ESPNL: variants seen among roughly 807,000 people sequenced by gnomAD.
The protein encoded by ESPNL is espin like, also known as espin-like protein.
A neutral mutation model predicts 46.8 loss-of-function variants in ESPNL; 49 were observed. The observed-to-expected ratio is 1.05, with a 90% CI of 0.83 to 1.33. The LOEUF is 1.33. ESPNL is among the 40% of genes most tolerant of loss of function. The pLI is 0.00. For synonymous variants in ESPNL, 664 were observed against 662.1 expected (o/e 1.00, Z -0.04); for missense variants, 1,540 against 1,436.6 (o/e 1.07, Z -1.16).
chr2:238,108,260 C>G (rs937445881), intron 4 of ESPNL, among the ~76,000 whole-genome samples: 2 of 152,224 alleles, frequency 1.3e-5, no homozygotes, highest in African/African-American at 4.8e-5. Flanking sequence ...CTTCTCAGAA[C>G]AGCCCTTGGG....
In ESPNL at chr2:238,130,223, A is replaced by G; in HGVS notation, c.1509A>G (p.Thr503=). 1 of 1,612,010 alleles carries G rather than the reference A, an allele frequency of 6.2e-7. No individual in the cohort carries two copies. The highest frequency in any genetic ancestry group is 1.1e-5 in the South Asian group (1 of 90,778). The change falls in exon 9 of 9, where the codon ACA becomes ACG. Residue 503 remains threonine, a synonymous_variant. Transcript: ENST00000343063. The part of the protein sequence containing the change: ...AILGPFGELL[T]EDDLVYLEKQ... ...TGGGGCCCTTTGGGGAGCTGCTGACAGAGGATGACCTGGTCTACCTGGAGA... is the reference window on the plus strand; with the variant it reads ...TGGGGCCCTTTGGGGAGCTGCTGACGGAGGATGACCTGGTCTACCTGGAGA...
rs1164596515 is a variant in ESPNL, at chr2:238,116,914, C to T, written c.867C>T (p.Thr289=). 4 of 1,612,576 alleles carry T rather than the reference C, an allele frequency of 2.5e-6. No homozygotes were observed. The South Asian group carries it at 4.4e-5, about 18-fold the overall frequency. The part of the protein sequence containing the change: ...AENGQMECCQ[T]LVSHHVDPSL... ...CCTCCTCACTGCAGTGCTGCCAGAC[C>T]CTAGTCTCCCACCACGTGGACCCCT... The change falls in exon 5 of 9, where the codon ACC becomes ACT. Residue 289 remains threonine, a synonymous_variant. Coordinates refer to ENST00000343063, the MANE Select transcript of ESPNL (RefSeq NM_194312.4).
chr2:238,130,783 C>A lies in ESPNL; in HGVS notation c.2069C>A (p.Ala690Asp). ...HRQCLSGCWP[A>D]LPKPRSGLAS... ...CAGTGCCTGAGTGGCTGCTGGCCAG[C>A]CCTGCCTAAGCCCCGCAGTGGCCTG... Residue 690 changes from alanine (A) to aspartate (D), a missense_variant, in exon 9 of 9, where the codon GCC becomes GAC. By Grantham distance (126) the Ala-to-Asp change is moderately radical (BLOSUM62 -2). Coordinates refer to ENST00000343063, the MANE Select transcript of ESPNL (RefSeq NM_194312.4). 1.3e-6 allele frequency: 2 copies of A among 1,546,164 alleles called. No homozygotes were observed. Among genetic ancestry groups the A allele is most frequent in the Non-Finnish European group, 1.7e-6 (2 of 1,150,502 alleles).
Position 238,119,463 on chromosome 2 carries a change from A to AT in ESPNL, c.987+2429_987+2430insT, listed in dbSNP as rs1691931763. On this transcript the variant is annotated intron_variant, in intron 5 of 8. Transcript: ENST00000343063. ...AGGTGGAGGAGAGGAGGTTAGATGAAGGAGGAATGGATGGAGGAGGTGGAT... is the reference window on the plus strand; with the variant it reads ...AGGTGGAGGAGAGGAGGTTAGATGAATGGAGGAATGGATGGAGGAGGTGGAT... Among the ~76,000 whole-genome samples the AT allele has an allele frequency of 5.8e-5, 5 of 86,768 alleles. 1 individual carries two copies. Among genetic ancestry groups the AT allele is most frequent in the African/African-American group, 2.6e-4 (5 of 19,222 alleles). The allele number at this position is 86,768 out of a possible 152,430, so 56.9% of individuals were successfully genotyped here. A position where few individuals can be genotyped will look rare whatever the true frequency, so the allele number is the denominator to read the frequency against.
At chr2:238,118,729 G>A (rs1691891329) in intron 5 of ESPNL, among the ~76,000 whole-genome samples, 1 of 132,518 alleles carries the variant, frequency 7.5e-6, no homozygotes, top group African/African-American at 3.0e-5. Context: ...AGGAATGGAT[G>A]GAGGAGGGTG....
At chr2:238,119,048 A>C (rs1200396250) in intron 5 of ESPNL, among the ~76,000 whole-genome samples, 13 of 114,232 alleles carry the variant, frequency 1.1e-4, no homozygotes, top group African/African-American at 4.7e-4. Context: ...ATGGAGGAGG[A>C]ATGAATGGAA....
chr2:238,118,577 GAGGTGGATGGAGA>G (rs1691882371), intron 5 of ESPNL, among the ~76,000 whole-genome samples: 1 of 131,340 alleles, frequency 7.6e-6, no homozygotes, highest in Non-Finnish European at 1.6e-5. Context: ...GTGAATGGAG[GAGGTGGATGGAGA>G]AGGGTGGATG....
chr2:238,105,112 C>T (rs1691567568), intron 3 of ESPNL, among the ~76,000 whole-genome samples: 1 of 152,130 alleles, frequency 6.6e-6, no homozygotes, highest in Non-Finnish European at 1.5e-5. Flanking sequence ...CCTGGAAGTC[C>T]TGGTAGGCCT....
In ESPNL at chr2:238,119,494, A is replaced by AG. The variant is rs1333525144; in HGVS notation, c.987+2462dup. Among the ~76,000 whole-genome samples, 6 of 103,026 alleles carry AG rather than the reference A, an allele frequency of 5.8e-5. 1 individual carries two copies. The highest frequency in any genetic ancestry group is 1.6e-4 in the African/African-American group (4 of 25,250). 67.6% of individuals were successfully genotyped at this position (103,026 alleles called of 152,430 possible). A position where few individuals can be genotyped will look rare whatever the true frequency, so the allele number is the denominator to read the frequency against. ...AATGGATGGAGGAGGTGGATGGAGG[A>AG]GGTGGATGGAGGAGGTGGGTGGAGG... is the stretch of plus-strand genomic sequence containing the variant. On this transcript the variant is annotated intron_variant, in intron 5 of 8. Transcript: ENST00000343063.
intron 4 of ESPNL, among the ~76,000 whole-genome samples, chr2:238,109,238 G>T (rs1449252952): frequency 6.6e-6 from 1 of 152,204 alleles, no homozygotes; most frequent in Non-Finnish European, 1.5e-5. Flanking sequence ...CTTTTTTAAA[G>T]CAGCAAAATC....
At chr2:238,124,060 C>T (rs1692044824) in intron 5 of ESPNL, among the ~76,000 whole-genome samples, 1 of 152,324 alleles carries the variant, frequency 6.6e-6, no homozygotes, top group African/African-American at 2.4e-5. Flanking sequence ...GCCCTGCATT[C>T]GGAAAGGAGA....
At chr2:238,115,036 C>G (rs1691786028) in intron 4 of ESPNL, among the ~76,000 whole-genome samples, 1 of 152,204 alleles carries the variant, frequency 6.6e-6, no homozygotes, top group African/African-American at 2.4e-5. Context: ...CTCTGCGGTT[C>G]TGGCGCTGGT....
At chr2:238,120,575 G>A (rs71425001) in intron 5 of ESPNL, among the ~76,000 whole-genome samples, 24,243 of 152,272 alleles carry the variant, frequency 0.16, 2,022 homozygotes, top group East Asian at 0.24. Flanking sequence ...TCCTGCCCGC[G>A]CCTGGGCGCC....
chr2:238,121,738 A>G (rs1691991449), intron 5 of ESPNL, among the ~76,000 whole-genome samples: 1 of 152,220 alleles, frequency 6.6e-6, no homozygotes, highest in Non-Finnish European at 1.5e-5. Context: ...CTCCTCGAGC[A>G]CCCAATGAGG....
chr2:238,129,228 G>A, intron 8 of ESPNL: 2 of 1,250,250 alleles, frequency 1.6e-6, no homozygotes, highest in Non-Finnish European at 2.0e-6. Flanking sequence ...TGGCCCATGG[G>A]CAGGTGCCGG....
At chr2:238,118,829 G>A (rs1219245316) in intron 5 of ESPNL, among the ~76,000 whole-genome samples, 6 of 140,304 alleles carry the variant, frequency 4.3e-5, no homozygotes, top group Admixed American at 3.5e-4. Flanking sequence ...AGGAATGGAT[G>A]GAGGAGGGTG....
rs971086503 is a variant in ESPNL at position 238,116,926 on chromosome 2, C to T, written c.879C>T (p.His293=). Residue 293 remains histidine (H), a synonymous_variant, in exon 5 of 9, where the codon CAC becomes CAT. Transcript: ENST00000343063. Reference sequence around the variant, plus strand: ...AGTGCTGCCAGACCCTAGTCTCCCACCACGTGGACCCCTCCCTGCGGGATG... The same window carrying T: ...AGTGCTGCCAGACCCTAGTCTCCCATCACGTGGACCCCTCCCTGCGGGATG... The part of the protein sequence containing the change: ...QMECCQTLVS[H]HVDPSLRDED... 3.0e-5 allele frequency: 48 copies of T among 1,612,542 alleles called. No homozygotes were observed. The highest frequency in any genetic ancestry group is 3.4e-5 in the Non-Finnish European group (40 of 1,179,856).
chr2:238,130,897 C>T lies in ESPNL; in HGVS notation c.2183C>T (p.Ala728Val). The T allele has an allele frequency of 1.3e-6, 2 of 1,545,034 alleles. No individual in the cohort carries two copies. The highest frequency in any genetic ancestry group is 1.4e-5 in the African/African-American group (1 of 73,370). Residue 728 changes from alanine to valine, a missense_variant, in exon 9 of 9, where the codon GCA becomes GTA. Ala to Val is a moderately conservative substitution (Grantham distance 64). Transcript: ENST00000343063. ...GAGGTGCCATCAGAGGCGGGTGCCGCAGCCGGCCCAGACCTGGCCAGCCTG... is the reference window on the plus strand; with the variant it reads ...GAGGTGCCATCAGAGGCGGGTGCCGTAGCCGGCCCAGACCTGGCCAGCCTG... ...CEEVPSEAGAAAGPDLASLRK... is the reference protein window; with the variant it reads ...CEEVPSEAGAVAGPDLASLRK...
At chr2:238,128,621 C>T (rs1692197101) in intron 7 of ESPNL, 86 bp from the exon 8 acceptor site, 2 of 1,369,528 alleles carry the variant, frequency 1.5e-6, no homozygotes, top group South Asian at 1.3e-5. Context: ...CTGGGCGGAG[C>T]CAACCCCCCA....
Sources: gnomAD v4.1 joint callset for allele counts (sites outside exome capture counted in the v4.1 genomes callset) on GRCh38, gnomAD v4.1.1 for gene constraint, MANE v1.5 for transcripts, NCBI Gene and HGNC (gene_info 2026-07-23, HGNC 2026-07-21) for gene names.